Variants in VAT1L observed in about 807,000 individuals in gnomAD.
The protein encoded by VAT1L is putative NADPH-dependent quinone oxidoreductase VAT1L.
In VAT1L, 34 loss-of-function variants were observed where a neutral mutation model predicts 44.1. The observed-to-expected ratio is 0.77, with a 90% CI of 0.59 to 1.03. The LOEUF (loss-of-function observed/expected upper bound fraction) is 1.03. VAT1L is among the 50% of genes least tolerant of loss of function. The pLI is 0.00. For synonymous variants in VAT1L, 253 were observed against 202.2 expected (o/e 1.25, Z -2.13); for missense variants, 615 against 538.8 (o/e 1.14, Z -1.40).
intron 8 of VAT1L, among the ~76,000 whole-genome samples, chr16:77,976,261 A>C (rs551751342): frequency 3.3e-5 from 5 of 152,352 alleles, no homozygotes; most frequent in Admixed American, 6.5e-5. Flanking sequence ...GCTCTTGATC[A>C]GTGCTACAAA....
rs375911132 is a variant in VAT1L at position 77,790,280 on chromosome 16, G to A, written c.233+1365G>A. On this transcript the variant is annotated intron_variant, in intron 1 of 8. Transcript: ENST00000302536. ...CGTGAGTCTCTGTGGGGAATTCCGG[G>A]TAAGGGAAGAGGCTTTTGCAAACCG... is the stretch of plus-strand genomic sequence containing the variant. Among the ~76,000 whole-genome samples the A allele has an allele frequency of 3.5e-3, 534 of 152,274 alleles. 1 individual carries two copies. The highest frequency in any genetic ancestry group is 0.01 in the Middle Eastern group (3 of 294).
Position 77,825,303 on chromosome 16 carries a change from A to T in VAT1L, c.421A>T (p.Thr141Ser). Residue 141 changes from threonine (T) to serine (S), a missense_variant, in exon 3 of 9, where the codon ACA becomes TCA. Physicochemically the swap from Thr to Ser is moderately conservative, Grantham distance 58. Coordinates refer to ENST00000302536, the MANE Select transcript of VAT1L (RefSeq NM_020927.3). ...NYNAWAEVVC[T>S]PVEFVYKIPD... The stretch of plus-strand genomic sequence containing the variant: ...CAATGCCTGGGCAGAGGTGGTCTGC[A>T]CACCAGTGGAGTTTGTCTACAAGAT... The T allele has an allele frequency of 6.2e-7, 1 of 1,614,176 alleles. No individual in the cohort carries two copies. Among genetic ancestry groups the T allele is most frequent in the Non-Finnish European group, 8.5e-7 (1 of 1,180,044 alleles).
At chr16:77,853,711 C>G (rs1002562952) in intron 3 of VAT1L, among the ~76,000 whole-genome samples, 3 of 151,998 alleles carry the variant, frequency 2.0e-5, no homozygotes, top group Non-Finnish European at 2.9e-5. Context: ...ACAGCAAGTC[C>G]CCAGGTGATG....
intron 7 of VAT1L, among the ~76,000 whole-genome samples, chr16:77,926,240 G>A (rs1178300488): frequency 2.9e-5 from 4 of 137,942 alleles, no homozygotes; most frequent in South Asian, 4.9e-4. Flanking sequence ...GCAACAGAGT[G>A]AGACTCCGTC....
At chr16:77,858,323 G>C (rs2016882236) in intron 3 of VAT1L, among the ~76,000 whole-genome samples, 1 of 152,206 alleles carries the variant, frequency 6.6e-6, no homozygotes, top group South Asian at 2.1e-4. Flanking sequence ...GGCATAATGA[G>C]AAGGGGGAAA....
chr16:77,946,384 C>T (rs1181536481), intron 7 of VAT1L, among the ~76,000 whole-genome samples: 2 of 148,470 alleles, frequency 1.3e-5, no homozygotes, highest in East Asian at 2.1e-4. Flanking sequence ...CCCAGGTTCA[C>T]ACCATTCTCC....
intron 2 of VAT1L, among the ~76,000 whole-genome samples, chr16:77,818,343 G>A (rs1401421395): frequency 1.3e-5 from 2 of 152,114 alleles, no homozygotes; most frequent in Admixed American, 6.5e-5. Flanking sequence ...TTTGCCAATG[G>A]TTTTCAGATA....
chr16:77,950,998 G>C (rs1230548616), intron 7 of VAT1L, among the ~76,000 whole-genome samples: 4 of 152,180 alleles, frequency 2.6e-5, no homozygotes, highest in Admixed American at 2.6e-4. Flanking sequence ...AAGAGAGCCA[G>C]CCAGCCATTG....
intron 3 of VAT1L, among the ~76,000 whole-genome samples, chr16:77,838,229 T>G (rs1171778162): frequency 1.3e-5 from 2 of 152,170 alleles, no homozygotes; most frequent in East Asian, 3.9e-4. Flanking sequence ...TGGGGACCCA[T>G]CCACTTTCCC....
intron 4 of VAT1L, among the ~76,000 whole-genome samples, chr16:77,866,954 T>C (rs1176725365): frequency 6.6e-6 from 1 of 152,050 alleles, no homozygotes; most frequent in African/African-American, 2.4e-5. Flanking sequence ...TCGATTTCAG[T>C]AGGTGGAGGG....
At chr16:77,867,806 C>G (rs1481986064) in intron 4 of VAT1L, among the ~76,000 whole-genome samples, 4 of 151,332 alleles carry the variant, frequency 2.6e-5, no homozygotes, top group Non-Finnish European at 5.9e-5. Context: ...TTGCAGTGAG[C>G]CCAGATTATG....
intron 3 of VAT1L, among the ~76,000 whole-genome samples, chr16:77,825,735 G>C (rs1254395114): frequency 5.9e-5 from 9 of 151,968 alleles, no homozygotes; most frequent in African/African-American, 1.2e-4. Flanking sequence ...AGCATTCTCA[G>C]GCCGGGCGCC....
intron 7 of VAT1L, among the ~76,000 whole-genome samples, chr16:77,924,852 G>A (rs1377512530): frequency 6.6e-6 from 1 of 152,080 alleles, no homozygotes; most frequent in Non-Finnish European, 1.5e-5. Flanking sequence ...AAGAATATCA[G>A]CAAATAAATT....
At chr16:77,851,147 T>G (rs908553427) in intron 3 of VAT1L, among the ~76,000 whole-genome samples, 1 of 152,234 alleles carries the variant, frequency 6.6e-6, no homozygotes, top group African/African-American at 2.4e-5. Context: ...CTCACAGCTC[T>G]GCCCGGCAAC....
chr16:77,915,557 A>G (rs1037227147), intron 7 of VAT1L, among the ~76,000 whole-genome samples: 10 of 152,200 alleles, frequency 6.6e-5, no homozygotes, highest in African/African-American at 2.2e-4. Flanking sequence ...TGAGTCACCA[A>G]GAAGGCTTCC....
intron 2 of VAT1L, among the ~76,000 whole-genome samples, chr16:77,821,401 A>G (rs187191819): frequency 6.6e-6 from 1 of 152,042 alleles, no homozygotes; most frequent in East Asian, 1.9e-4. Flanking sequence ...CACAGGTTCA[A>G]GCGATTCTCC....
chr16:77,846,370 A>G (rs908706002), intron 3 of VAT1L, among the ~76,000 whole-genome samples: 1 of 152,042 alleles, frequency 6.6e-6, no homozygotes, highest in Non-Finnish European at 1.5e-5. Flanking sequence ...TGCTGCCCCA[A>G]ATATTTTCTT....
intron 7 of VAT1L, among the ~76,000 whole-genome samples, chr16:77,924,260 T>C (rs750296503): frequency 6.6e-6 from 1 of 152,142 alleles, no homozygotes. Flanking sequence ...TCCTCATGAC[T>C]GCAGGCAGGA....
At chr16:77,850,921 C>G (rs1373972530) in intron 3 of VAT1L, among the ~76,000 whole-genome samples, 1 of 152,206 alleles carries the variant, frequency 6.6e-6, no homozygotes, top group Non-Finnish European at 1.5e-5. Context: ...GTCCAACTCT[C>G]AAACAGTGTG....
Sources: allele counts gnomAD v4.1 joint callset (sites outside exome capture counted in the v4.1 genomes callset), GRCh38; gene constraint gnomAD v4.1.1; transcripts MANE v1.5; gene names NCBI Gene and HGNC (gene_info 2026-07-23, HGNC 2026-07-21).